Variants in WWOX observed in about 807,000 individuals in gnomAD.
The protein encoded by WWOX is WW domain-containing oxidoreductase.
Under a neutral mutation model 46.2 loss-of-function variants are expected in WWOX, and 69 were observed. The observed-to-expected ratio is 1.49, with a 90% CI of 1.23 to 1.82. The LOEUF is 1.82. Ranked by LOEUF, WWOX falls within the 40% of genes most tolerant of loss-of-function variation. The pLI is 0.00. For synonymous variants in WWOX, 359 were observed against 202.6 expected (o/e 1.77, Z -6.56); for missense variants, 919 against 542.6 (o/e 1.69, Z -6.89).
At chr16:78,102,663 C>T (rs1361496253) in intron 1 of WWOX, among the ~76,000 whole-genome samples, 3 of 152,196 alleles carry the variant, frequency 2.0e-5, no homozygotes, top group Admixed American at 6.5e-5. Context: ...GGTGTCCCCT[C>T]GACCTTGTAC....
chr16:78,507,373 C>T (rs1480682967), intron 8 of WWOX, among the ~76,000 whole-genome samples: 2 of 152,022 alleles, frequency 1.3e-5, no homozygotes, highest in Admixed American at 6.6e-5. Context: ...AATAAAAAGT[C>T]AAAAGGAAAC....
chr16:78,296,445 G>T (rs2079945473), intron 5 of WWOX, among the ~76,000 whole-genome samples: 1 of 151,428 alleles, frequency 6.6e-6, no homozygotes. Context: ...ATTTATATTG[G>T]CGCCTTCGAT....
chr16:78,474,688 C>A (rs1427307194), intron 8 of WWOX, among the ~76,000 whole-genome samples: 1 of 151,950 alleles, frequency 6.6e-6, no homozygotes, highest in African/African-American at 2.4e-5. Flanking sequence ...AGTTTTCTTA[C>A]CTGAAGGAGA....
At chr16:78,642,679 G>C (rs1465019686) in intron 8 of WWOX, among the ~76,000 whole-genome samples, 3 of 152,086 alleles carry the variant, frequency 2.0e-5, no homozygotes, top group Admixed American at 6.6e-5. Context: ...TGGTGTCCAT[G>C]GCAGTTCCCA....
At chr16:78,148,731 A>G (rs1455712870) in intron 4 of WWOX, among the ~76,000 whole-genome samples, 1 of 151,844 alleles carries the variant, frequency 6.6e-6, no homozygotes, top group East Asian at 1.9e-4. Context: ...CCCCGTCTCT[A>G]CTAAAAATAA....
At chr16:79,062,757 C>G (rs1054791559) in intron 8 of WWOX, among the ~76,000 whole-genome samples, 5 of 152,144 alleles carry the variant, frequency 3.3e-5, no homozygotes, top group African/African-American at 7.2e-5. Flanking sequence ...TCCTTCAGCC[C>G]CGGAACATCA....
intron 8 of WWOX, among the ~76,000 whole-genome samples, chr16:79,185,804 A>G (rs1012286099): frequency 1.3e-5 from 2 of 152,198 alleles, no homozygotes; most frequent in African/African-American, 4.8e-5. Flanking sequence ...GGTAGAATGC[A>G]TCGGACACTG....
intron 6 of WWOX, among the ~76,000 whole-genome samples, chr16:78,396,875 T>A (rs1052002550): frequency 7.2e-5 from 11 of 152,204 alleles, no homozygotes; most frequent in African/African-American, 2.4e-4. Flanking sequence ...AATAAAACTT[T>A]ATTTACAAAG....
intron 6 of WWOX, among the ~76,000 whole-genome samples, chr16:78,397,224 A>T (rs1317255547): frequency 6.6e-6 from 1 of 150,910 alleles, no homozygotes; most frequent in African/African-American, 2.4e-5. Flanking sequence ...TCAATAAGAC[A>T]ACTAAGTGCT....
rs539785986 is a variant in WWOX, at chr16:78,488,748, C to A, written c.1056+55996C>A. Among the ~76,000 whole-genome samples the A allele has an allele frequency of 9.9e-5, 15 of 152,274 alleles. No individual in the cohort carries two copies. The East Asian group carries it at 2.9e-3, about 29-fold the overall frequency. On this transcript the variant is annotated intron_variant, in intron 8 of 8. Transcript: ENST00000566780. ...CATTAGGAACTGTGTGACGCTGGGG[C>A]ATCTGACTTCACCTTTCTGAGTCTT...
intron 5 of WWOX, among the ~76,000 whole-genome samples, chr16:78,181,848 T>C (rs1421296515): frequency 6.6e-6 from 1 of 152,204 alleles, no homozygotes; most frequent in Non-Finnish European, 1.5e-5. Flanking sequence ...GTATATATTT[T>C]AGATGTATAA....
intron 5 of WWOX, among the ~76,000 whole-genome samples, chr16:78,383,723 T>TA (rs2082003151): frequency 6.6e-6 from 1 of 152,180 alleles, no homozygotes; most frequent in Non-Finnish European, 1.5e-5. Context: ...GGACTTACTG[T>TA]ATTGCCTCCA....
chr16:78,752,174 T>A (rs2049498631), intron 8 of WWOX, among the ~76,000 whole-genome samples: 1 of 152,240 alleles, frequency 6.6e-6, no homozygotes, highest in Non-Finnish European at 1.5e-5. Flanking sequence ...TTCACTTCGA[T>A]GCGTACTGAA....
chr16:78,521,169 G>C (rs187386549), intron 8 of WWOX, among the ~76,000 whole-genome samples: 57 of 152,220 alleles, frequency 3.7e-4, no homozygotes, highest in Admixed American at 3.4e-3. Context: ...GTGGCTTTTG[G>C]AGCAGCCTCA....
chr16:78,453,927 A>G (rs1004747608), intron 8 of WWOX, among the ~76,000 whole-genome samples: 1 of 152,094 alleles, frequency 6.6e-6, no homozygotes, highest in Non-Finnish European at 1.5e-5. Flanking sequence ...TTTTGCATCA[A>G]TTATTTCTAC....
rs76156456 is a variant in WWOX at position 78,211,905 on chromosome 16, C to G, written c.516+47616C>G. 3.8e-3 allele frequency among the ~76,000 whole-genome samples: 579 copies of G among 152,302 alleles called. 18 individuals are homozygous for G. In the East Asian group the frequency reaches 0.086, roughly 23 times the overall value. ...AGGCTCTGTCATTAACTGCCCCTAC[C>G]CTCTCTGAGCTGAGTTTGTTTTGGA... is the stretch of plus-strand genomic sequence containing the variant. On this transcript the variant is annotated intron_variant, in intron 5 of 8. Coordinates refer to ENST00000566780, the MANE Select transcript of WWOX (RefSeq NM_016373.4).
intron 8 of WWOX, among the ~76,000 whole-genome samples, chr16:78,946,845 C>T (rs769515882): frequency 3.7e-4 from 57 of 152,028 alleles, no homozygotes; most frequent in Non-Finnish European, 6.5e-4. Flanking sequence ...GAGGGCGTCA[C>T]GGTGTAAGAA....
At chr16:78,460,570 G>A (rs578131194) in intron 8 of WWOX, among the ~76,000 whole-genome samples, 19 of 152,332 alleles carry the variant, frequency 1.2e-4, no homozygotes, top group African/African-American at 4.6e-4. Context: ...ACAGATGCCT[G>A]TTTGTTTTGC....
intron 4 of WWOX, among the ~76,000 whole-genome samples, chr16:78,154,311 G>A (rs1303903047): frequency 2.0e-5 from 3 of 152,100 alleles, no homozygotes; most frequent in Non-Finnish European, 4.4e-5. Flanking sequence ...TGGAGGTACT[G>A]TAAATGGATA....
Sources: allele counts gnomAD v4.1 joint callset (sites outside exome capture counted in the v4.1 genomes callset), GRCh38; gene constraint gnomAD v4.1.1; transcripts MANE v1.5; gene names NCBI Gene and HGNC (gene_info 2026-07-23, HGNC 2026-07-21).